Variants in DNM1L observed in about 807,000 individuals in gnomAD.
DNM1L encodes dynamin 1L, also known as dynamin-1-like protein.
DNM1L carries 33 observed loss-of-function variants against 92.8 expected under a neutral mutation model. The observed-to-expected ratio is 0.36, with a 90% confidence interval of 0.27 to 0.48. The LOEUF is 0.48. Ranked by LOEUF, DNM1L falls within the 20% of genes least tolerant of loss-of-function variation. DNM1L has a pLI of 0.99. For synonymous variants in DNM1L, 284 were observed against 305.0 expected (o/e 0.93, Z 0.72); for missense variants, 485 against 888.8 (o/e 0.55, Z 5.78).
At chr12:32,717,195 ATATT>A (rs1190943158) in intron 6 of DNM1L, among the ~76,000 whole-genome samples, 9 of 117,900 alleles carry the variant, frequency 7.6e-5, no homozygotes, top group Admixed American at 3.4e-4. Flanking sequence ...TATACTATAT[ATATT>A]TATATATACT....
At chr12:32,717,357 GTATATATAATATATATAC>G (rs1231273746) in intron 6 of DNM1L, among the ~76,000 whole-genome samples, 2 of 54,942 alleles carry the variant, frequency 3.6e-5, no homozygotes, top group Non-Finnish European at 6.5e-5. Flanking sequence ...ATTATATATA[GTATATATAATATATATAC>G]TATATATAAT....
At chr12:32,730,919 A>C in intron 9 of DNM1L, 95 bp from the exon 10 acceptor site, 1 of 1,566,166 alleles carries the variant, frequency 6.4e-7, no homozygotes. Context: ...TTTCTCAGAA[A>C]ATAAGATGAG....
At chr12:32,720,066 T>TAA (rs1953735796) in intron 7 of DNM1L, among the ~76,000 whole-genome samples, 1 of 152,322 alleles carries the variant, frequency 6.6e-6, no homozygotes, top group African/African-American at 2.4e-5. Context: ...ATGTTTTTAC[T>TAA]GCCTGATACA....
rs1955043589 is a variant in DNM1L, at chr12:32,738,314, G to C, written c.1707+18G>C. ...CTAAAAATGTGAGTCTCTTGCTTCAGAATGGAAATGTTGGTACCTTTGGTT... is the reference window on the plus strand; with the variant it reads ...CTAAAAATGTGAGTCTCTTGCTTCACAATGGAAATGTTGGTACCTTTGGTT... On this transcript the variant is annotated intron_variant, in intron 16 of 19. Coordinates refer to ENST00000549701, the MANE Select transcript of DNM1L (RefSeq NM_012062.5). The C allele has an allele frequency of 1.2e-6, 2 of 1,613,338 alleles. No homozygotes were observed. The highest frequency in any genetic ancestry group is 2.7e-5 in the African/African-American group (2 of 74,906).
chr12:32,727,161 T>G, intron 9 of DNM1L: 1 of 824,866 alleles, frequency 1.2e-6, no homozygotes, highest in South Asian at 1.4e-5. Context: ...TGGTTTCCAT[T>G]CACATTCTTC....
intron 9 of DNM1L, chr12:32,726,708 T>C (rs1270692391): frequency 4.7e-6 from 3 of 640,592 alleles, no homozygotes; most frequent in South Asian, 1.9e-5. Context: ...AATTGTCCCA[T>C]GTCCCTAGTG....
chr12:32,743,558 C>G lies in DNM1L; in HGVS notation c.*148C>G, dbSNP rs1467188644. The G allele has an allele frequency of 1.4e-6, 1 of 725,288 alleles. No homozygotes were observed. Among genetic ancestry groups the G allele is most frequent in the Non-Finnish European group, 2.3e-6 (1 of 427,746 alleles). The allele number at this position is 725,288 out of a possible 1,614,324, so 44.9% of individuals were successfully genotyped here. ...TGGCTATAAACTGAAAAGTGTATTC[C>G]AAATTGCAGAACACATCACACATTT... is the stretch of plus-strand genomic sequence containing the variant. On this transcript the variant is annotated 3_prime_UTR_variant, in exon 20 of 20. Transcript: ENST00000549701.
intron 9 of DNM1L, among the ~76,000 whole-genome samples, chr12:32,726,099 T>C (rs1443361711): frequency 1.3e-5 from 2 of 149,948 alleles, no homozygotes; most frequent in African/African-American, 5.0e-5. Flanking sequence ...TTGTTAATTT[T>C]CATAGCTGTA....
chr12:32,729,597 C>T (rs1954409010), intron 9 of DNM1L, among the ~76,000 whole-genome samples: 1 of 151,894 alleles, frequency 6.6e-6, no homozygotes, highest in Non-Finnish European at 1.5e-5. Context: ...CTACAGGTGC[C>T]CACCACCACA....
intron 19 of DNM1L, 75 bp downstream of exon 19, chr12:32,742,823 T>G (rs1955399471): frequency 6.4e-7 from 1 of 1,557,720 alleles, no homozygotes; most frequent in Admixed American, 1.7e-5. Flanking sequence ...TGCAGTTTGA[T>G]TCTTGGATAT....
Position 32,744,713 on chromosome 12 carries a change from C to CAAA in DNM1L, c.*1313_*1315dup, listed in dbSNP as rs370524523. The CAAA allele has an allele frequency of 3.3e-5, 10 of 305,740 alleles. No homozygotes were observed. Among genetic ancestry groups the CAAA allele is most frequent in the South Asian group, 5.5e-5 (2 of 36,528 alleles). 18.9% of individuals were successfully genotyped at this position (305,740 alleles called of 1,614,324 possible). On this transcript the variant is annotated 3_prime_UTR_variant, in exon 20 of 20. Transcript: ENST00000549701. ...TGGCAACAAGAGCGAAACTCCGTCT[C>CAAA]AAAAAAAAAAAATAAAACAACACCC...
chr12:32,736,959 A>T, intron 13 of DNM1L, 146 bp from the exon 14 acceptor site: 3 of 753,254 alleles, frequency 4.0e-6, no homozygotes, highest in South Asian at 3.4e-5. Flanking sequence ...TATTTATTTT[A>T]AAATATGATA....
In DNM1L at chr12:32,721,991, CCT is replaced by C. The variant is rs1447300249; in HGVS notation, c.873-431_873-430del. Among the ~76,000 whole-genome samples the C allele has an allele frequency of 2.6e-5, 4 of 152,276 alleles. No individual in the cohort carries two copies. In the East Asian group the frequency reaches 5.8e-4, roughly 22 times the overall value. On this transcript the variant is annotated intron_variant, in intron 8 of 19. Transcript: ENST00000549701. ...GGGAAGGAATGTGGAGCTTCCGTGC[CCT>C]CTCTGGGCACACCACACTCCAGGAA...
chr12:32,705,000 G>GT (rs35375744), intron 2 of DNM1L, among the ~76,000 whole-genome samples: 19,228 of 118,780 alleles, frequency 0.16, 1,721 homozygotes, highest in African/African-American at 0.2. Context: ...CTCAGGCAAA[G>GT]TTTTTTTTTT....
intron 19 of DNM1L, 118 bp from the exon 20 acceptor site, chr12:32,743,236 G>A: frequency 1.1e-6 from 1 of 875,942 alleles, no homozygotes; most frequent in Non-Finnish European, 1.8e-6. Context: ...ATATTGGTTA[G>A]TATAAACTGG....
intron 6 of DNM1L, among the ~76,000 whole-genome samples, chr12:32,717,228 A>ACTATATATATT (rs1565516881): frequency 9.0e-6 from 1 of 111,094 alleles, no homozygotes; most frequent in Non-Finnish European, 1.7e-5. Flanking sequence ...TATAGTATAT[A>ACTATATATATT]TTATATATAT....
At chr12:32,684,576 T>G (rs573690383) in intron 1 of DNM1L, among the ~76,000 whole-genome samples, 16 of 152,080 alleles carry the variant, frequency 1.1e-4, no homozygotes, top group Non-Finnish European at 1.9e-4. Flanking sequence ...CCTTCCGGGT[T>G]CAGGTGATTC....
In DNM1L at chr12:32,744,859, C is replaced by A. The variant is rs1464146395; in HGVS notation, c.*1449C>A. The stretch of plus-strand genomic sequence containing the variant: ...CCCAGATGATTCTTGGTATGAACGA[C>A]TATATTATAAATTTTAAGATGTACT... On this transcript the variant is annotated 3_prime_UTR_variant, in exon 20 of 20. Transcript: ENST00000549701. 2.0e-6 allele frequency: 1 copy of A among 499,872 alleles called. No individual in the cohort carries two copies. Among genetic ancestry groups the A allele is most frequent in the Non-Finnish European group, 4.0e-6 (1 of 249,310 alleles). 31.0% of individuals were successfully genotyped at this position (499,872 alleles called of 1,614,324 possible).
chr12:32,714,640 G>A (rs1301893481), intron 6 of DNM1L, among the ~76,000 whole-genome samples: 1 of 151,884 alleles, frequency 6.6e-6, no homozygotes, highest in Admixed American at 6.6e-5. Flanking sequence ...GTTCATTTCA[G>A]TTAAATTAAA....
Sources: gnomAD v4.1 joint callset for allele counts (sites outside exome capture counted in the v4.1 genomes callset) on GRCh38, gnomAD v4.1.1 for gene constraint, MANE v1.5 for transcripts, NCBI Gene and HGNC (gene_info 2026-07-23, HGNC 2026-07-21) for gene names.